Variants in GRIA4 observed in about 807,000 individuals in gnomAD.
GRIA4 encodes the protein glutamate receptor 4.
In GRIA4, 34 loss-of-function variants were observed where a neutral mutation model predicts 104.0. The observed-to-expected ratio is 0.33, with a 90% CI of 0.25 to 0.44. GRIA4 has a LOEUF of 0.44. Ranked by LOEUF, GRIA4 falls within the 20% of genes least tolerant of loss-of-function variation. GRIA4 has a pLI of 1.00. For missense variants in GRIA4, 750 were observed against 1,096.5 expected (o/e 0.68, Z 4.46); for synonymous variants, 386 against 381.9 (o/e 1.01, Z -0.13).
At chr11:105,711,549 C>T (rs1236450343) in intron 3 of GRIA4, among the ~76,000 whole-genome samples, 1 of 152,122 alleles carries the variant, frequency 6.6e-6, no homozygotes, top group African/African-American at 2.4e-5. Flanking sequence ...CATCTGTATA[C>T]TCTCACCGGC....
intron 4 of GRIA4, among the ~76,000 whole-genome samples, chr11:105,822,497 AGCATAATGTCTG>A (rs1376897105): frequency 6.6e-6 from 1 of 152,128 alleles, no homozygotes; most frequent in Non-Finnish European, 1.5e-5. Context: ...TGTAACACTT[AGCATAATGTCTG>A]GCATAATGTC....
At chr11:105,801,635 C>CACTACCATTT (rs1248654730) in intron 4 of GRIA4, among the ~76,000 whole-genome samples, 1 of 151,894 alleles carries the variant, frequency 6.6e-6, no homozygotes, top group South Asian at 2.1e-4. Context: ...AAATAATAGC[C>CACTACCATTT]ACTACCATTT....
At chr11:105,727,628 T>C (rs977487241) in intron 3 of GRIA4, among the ~76,000 whole-genome samples, 1 of 151,974 alleles carries the variant, frequency 6.6e-6, no homozygotes, top group Non-Finnish European at 1.5e-5. Context: ...GCCAGAGAGA[T>C]AAAGCAGGTC....
At chr11:105,955,941 T>C (rs1244517888) in intron 14 of GRIA4, among the ~76,000 whole-genome samples, 2 of 152,234 alleles carry the variant, frequency 1.3e-5, no homozygotes, top group Non-Finnish European at 2.9e-5. Context: ...TGTCTGTTCA[T>C]GTGCTTTGCC....
chr11:105,723,549 C>A (rs1237790363), intron 3 of GRIA4, among the ~76,000 whole-genome samples: 1 of 152,016 alleles, frequency 6.6e-6, no homozygotes, highest in Non-Finnish European at 1.5e-5. Context: ...AAAATTCAGA[C>A]AAACATAATA....
intron 3 of GRIA4, among the ~76,000 whole-genome samples, chr11:105,695,991 A>G (rs566814958): frequency 6.6e-6 from 1 of 152,350 alleles, no homozygotes; most frequent in Admixed American, 6.5e-5. Flanking sequence ...AAGCACTTCA[A>G]TGACATAAAA....
At chr11:105,839,540 T>C (rs1219771697) in intron 4 of GRIA4, among the ~76,000 whole-genome samples, 1 of 151,088 alleles carries the variant, frequency 6.6e-6, no homozygotes, top group Non-Finnish European at 1.5e-5. Flanking sequence ...ACAAAACACA[T>C]ATTTCTGTGT....
At chr11:105,738,374 G>A (rs181485036) in intron 3 of GRIA4, among the ~76,000 whole-genome samples, 24 of 147,592 alleles carry the variant, frequency 1.6e-4, no homozygotes, top group East Asian at 1.4e-3. Flanking sequence ...TGTGCCAAGC[G>A]TTAGGCTGAA....
chr11:105,810,841 G>T (rs149068473), intron 4 of GRIA4, among the ~76,000 whole-genome samples: 1 of 152,104 alleles, frequency 6.6e-6, no homozygotes, highest in African/African-American at 2.4e-5. Flanking sequence ...CACAAAAAGG[G>T]TAAGTTGTAG....
chr11:105,979,863 G>T lies in GRIA4; in HGVS notation c.*124G>T. On this transcript the variant is annotated 3_prime_UTR_variant, in exon 17 of 17. Transcript: ENST00000282499. The stretch of plus-strand genomic sequence containing the variant: ...TCCTTTGGCTGAGAGCGGGAAGTCC[G>T]TCCTAACGCGCTGGCCGGACATCAG... 1.5e-6 allele frequency: 1 copy of T among 649,838 alleles called. No homozygotes were observed. The highest frequency in any genetic ancestry group is 2.0e-5 in the South Asian group (1 of 48,982). The allele number at this position is 649,838 out of a possible 1,614,324, so 40.3% of individuals were successfully genotyped here. A position where few individuals can be genotyped will look rare whatever the true frequency, so the allele number is the denominator to read the frequency against.
At chr11:105,787,600 T>C (rs1421067844) in intron 4 of GRIA4, among the ~76,000 whole-genome samples, 1 of 149,204 alleles carries the variant, frequency 6.7e-6, no homozygotes, top group African/African-American at 2.5e-5. Context: ...CTCAGCCTCC[T>C]GAGTAGCTGG....
At position 105,910,468 on chromosome 11, in the gene GRIA4, T is replaced by G; in HGVS notation, c.1192T>G (p.Leu398Val). The change falls in exon 10 of 17, where the codon TTG (leucine) becomes GTG (valine). Residue 398 changes from leucine (L) to valine (V), a missense_variant. Physicochemically the swap from Leu to Val is conservative, Grantham distance 32 (BLOSUM62 1). Transcript: ENST00000282499. ...CTGGAATGATATGGATAAGTTAGTC[T>G]TGATTCAAGATGTACCAACTCTTGG... ...GYWNDMDKLVLIQDVPTLGND... is the reference protein window; with the variant it reads ...GYWNDMDKLVVIQDVPTLGND... 1 of 1,596,832 alleles carries G rather than the reference T, an allele frequency of 6.3e-7. No individual in the cohort carries two copies. Among genetic ancestry groups the G allele is most frequent in the Non-Finnish European group, 8.6e-7 (1 of 1,164,356 alleles).
intron 4 of GRIA4, among the ~76,000 whole-genome samples, chr11:105,778,771 T>C (rs934884447): frequency 1.3e-5 from 2 of 152,092 alleles, no homozygotes; most frequent in African/African-American, 4.8e-5. Context: ...TGTTGTATAG[T>C]ATAGATAGTG....
rs114730964 is a variant in GRIA4, at chr11:105,929,789, A to G, written c.2046+2850A>G. On this transcript the variant is annotated intron_variant, in intron 13 of 16. Coordinates refer to ENST00000282499, the MANE Select transcript of GRIA4 (RefSeq NM_000829.4). Reference sequence around the variant, plus strand: ...TAACTATAACACATGACATTTGTACACAGTTTCTATTAGAAGCAGAAATGG... The same window carrying G: ...TAACTATAACACATGACATTTGTACGCAGTTTCTATTAGAAGCAGAAATGG... 8.7e-3 allele frequency among the ~76,000 whole-genome samples: 1,321 copies of G among 152,232 alleles called. 18 individuals are homozygous for G. Among genetic ancestry groups the G allele is most frequent in the African/African-American group, 0.03 (1,234 of 41,572 alleles).
chr11:105,767,679 T>C (rs1282388798), intron 4 of GRIA4, among the ~76,000 whole-genome samples: 1 of 152,176 alleles, frequency 6.6e-6, no homozygotes. Flanking sequence ...GTACATCCCA[T>C]GTGAAATACA....
At chr11:105,947,035 G>A (rs1186231411) in intron 14 of GRIA4, among the ~76,000 whole-genome samples, 1 of 152,168 alleles carries the variant, frequency 6.6e-6, no homozygotes, top group East Asian at 1.9e-4. Context: ...ATTGTTTTCT[G>A]AGCAGGAACA....
rs563034156 is a variant in GRIA4, at chr11:105,869,675, C to T, written c.672+7467C>T. On this transcript the variant is annotated intron_variant, in intron 5 of 16. Transcript: ENST00000282499. ...CTTGTAAACATCATAAACATAACTA[C>T]ATTTTTATAAATTATACAGTATTTA... is the stretch of plus-strand genomic sequence containing the variant. Among the ~76,000 whole-genome samples the T allele has an allele frequency of 1.5e-4, 23 of 152,162 alleles. 1 individual carries two copies. The South Asian group carries it at 4.8e-3, about 32-fold the overall frequency.
chr11:105,931,574 G>T (rs528094102), intron 13 of GRIA4, among the ~76,000 whole-genome samples: 2 of 151,840 alleles, frequency 1.3e-5, no homozygotes, highest in African/African-American at 4.8e-5. Flanking sequence ...GTGTGGTGGC[G>T]GGTTTCTGTA....
chr11:105,907,622 C>T (rs1947088910), intron 9 of GRIA4, among the ~76,000 whole-genome samples: 1 of 152,166 alleles, frequency 6.6e-6, no homozygotes, highest in Non-Finnish European at 1.5e-5. Context: ...ATCTTCTTAT[C>T]ACTCCAGTGA....
Sources: gnomAD v4.1 joint callset for allele counts (sites outside exome capture counted in the v4.1 genomes callset) on GRCh38, gnomAD v4.1.1 for gene constraint, MANE v1.5 for transcripts, NCBI Gene and HGNC (gene_info 2026-07-23, HGNC 2026-07-21) for gene names.